C8orf34: variants seen among roughly 807,000 people sequenced by gnomAD.
C8orf34 encodes chromosome 8 open reading frame 34.
Under a neutral mutation model 68.3 loss-of-function variants are expected in C8orf34, and 65 were observed. The observed-to-expected ratio is 0.95, with a 90% CI of 0.78 to 1.17. C8orf34 has a LOEUF of 1.17. Ranked by LOEUF, C8orf34 falls within the 50% of genes most tolerant of loss-of-function variation. The pLI is 0.00. For synonymous variants in C8orf34, 244 were observed against 241.2 expected (o/e 1.01, Z -0.11); for missense variants, 664 against 655.4 (o/e 1.01, Z -0.14).
intron 5 of C8orf34, among the ~76,000 whole-genome samples, chr8:68,497,875 C>G (rs543707599): frequency 2.0e-5 from 3 of 152,242 alleles, no homozygotes; most frequent in East Asian, 1.9e-4. Flanking sequence ...GTTGCCCAGG[C>G]TGGAGTGGAA....
intron 12 of C8orf34, among the ~76,000 whole-genome samples, chr8:68,800,100 T>C (rs1406997311): frequency 6.6e-6 from 1 of 151,998 alleles, no homozygotes; most frequent in Non-Finnish European, 1.5e-5. Flanking sequence ...AGGGTCCAGG[T>C]TGTAAAGATA....
intron 2 of C8orf34, among the ~76,000 whole-genome samples, chr8:68,440,381 C>T (rs1246412883): frequency 2.0e-5 from 3 of 152,146 alleles, no homozygotes; most frequent in African/African-American, 4.8e-5. Flanking sequence ...CCTCTTCATG[C>T]TTTATGGGAT....
chr8:68,612,952 A>G (rs963809821), intron 7 of C8orf34, among the ~76,000 whole-genome samples: 1 of 152,154 alleles, frequency 6.6e-6, no homozygotes, highest in African/African-American at 2.4e-5. Context: ...GTTATCTTAT[A>G]AGGTGCTGAC....
chr8:68,720,819 C>A (rs958108048), intron 9 of C8orf34, among the ~76,000 whole-genome samples: 3 of 151,708 alleles, frequency 2.0e-5, no homozygotes, highest in Non-Finnish European at 3.0e-5. Context: ...ACTCACCCAC[C>A]CCTCAATATA....
chr8:68,744,614 A>C (rs1439282997), intron 10 of C8orf34, among the ~76,000 whole-genome samples: 1 of 152,200 alleles, frequency 6.6e-6, no homozygotes. Context: ...CGATGCGATC[A>C]ACTGGAAGAA....
At chr8:68,725,929 G>T (rs375275808) in intron 10 of C8orf34, among the ~76,000 whole-genome samples, 9 of 151,464 alleles carry the variant, frequency 5.9e-5, no homozygotes, top group African/African-American at 2.2e-4. Context: ...ATTTTTTTAA[G>T]TTGGAGTCTC....
At chr8:68,420,603 G>A (rs925933635) in intron 1 of C8orf34, among the ~76,000 whole-genome samples, 3 of 151,756 alleles carry the variant, frequency 2.0e-5, no homozygotes, top group African/African-American at 7.3e-5. Flanking sequence ...ATAAACAATA[G>A]AATTAAACAA....
chr8:68,447,378 T>G (rs1187688572), intron 3 of C8orf34: 1 of 152,184 alleles, frequency 6.6e-6, no homozygotes, highest in Non-Finnish European at 1.5e-5. Flanking sequence ...ACCACCTAAG[T>G]ATCCCTTCTC....
At chr8:68,463,805 G>A (rs983439619) in intron 3 of C8orf34, among the ~76,000 whole-genome samples, 2 of 152,104 alleles carry the variant, frequency 1.3e-5, no homozygotes, top group African/African-American at 4.8e-5. Flanking sequence ...AATAATAAGA[G>A]CTATTTATGA....
At chr8:68,592,131 T>C (rs574807800) in intron 7 of C8orf34, among the ~76,000 whole-genome samples, 14 of 152,284 alleles carry the variant, frequency 9.2e-5, no homozygotes, top group Admixed American at 9.2e-4. Flanking sequence ...CTGCAATGTC[T>C]CCATTTATTT....
Position 68,788,497 on chromosome 8 carries a change from G to A in C8orf34, c.1549+961G>A, listed in dbSNP as rs553800257. On this transcript the variant is annotated intron_variant, in intron 12 of 13. Transcript: ENST00000518698. ...AGGTTCACTCAGCTGTCACATTCAG[G>A]AATAGAGTAAAAAACACAGTGGTAC... Among the ~76,000 whole-genome samples the A allele has an allele frequency of 1.2e-4, 19 of 152,240 alleles. No individual in the cohort carries two copies. In the East Asian group the frequency reaches 3.7e-3, roughly 29 times the overall value.
chr8:68,697,347 T>C (rs1271415485), intron 8 of C8orf34, among the ~76,000 whole-genome samples: 1 of 152,078 alleles, frequency 6.6e-6, no homozygotes, highest in Non-Finnish European at 1.5e-5. Context: ...CTGTAAGATA[T>C]AGGAATTGGT....
chr8:68,353,990 T>C (rs1806635077), intron 1 of C8orf34, among the ~76,000 whole-genome samples: 1 of 151,978 alleles, frequency 6.6e-6, no homozygotes, highest in Admixed American at 6.6e-5. Flanking sequence ...ACTGTATATA[T>C]CAAAACAAGA....
intron 10 of C8orf34, among the ~76,000 whole-genome samples, chr8:68,770,656 G>C (rs1167649212): frequency 2.0e-5 from 3 of 152,044 alleles, no homozygotes; most frequent in African/African-American, 7.2e-5. Flanking sequence ...TTTTCACATG[G>C]CAGTGAAGGA....
At chr8:68,412,815 C>T (rs1402854287) in intron 1 of C8orf34, among the ~76,000 whole-genome samples, 1 of 152,114 alleles carries the variant, frequency 6.6e-6, no homozygotes, top group Admixed American at 6.6e-5. Flanking sequence ...CCTTGAATAT[C>T]CCAACCCCAA....
At chr8:68,488,769 G>A (rs947426361) in intron 5 of C8orf34, among the ~76,000 whole-genome samples, 3 of 152,124 alleles carry the variant, frequency 2.0e-5, no homozygotes, top group East Asian at 1.9e-4. Context: ...TATTAAACAT[G>A]TTTATATGAG....
intron 1 of C8orf34, 48 bp downstream of exon 1, chr8:68,331,387 G>A (rs924181170): frequency 3.3e-6 from 5 of 1,510,886 alleles, no homozygotes; most frequent in Non-Finnish European, 4.4e-6. Context: ...AGGGGAAGGG[G>A]TGCAGTAATG....
chr8:68,348,446 G>A (rs1205900616), intron 1 of C8orf34, among the ~76,000 whole-genome samples: 1 of 151,908 alleles, frequency 6.6e-6, no homozygotes, highest in African/African-American at 2.4e-5. Context: ...GACTATTCAG[G>A]CTTGTTTATC....
intron 1 of C8orf34, among the ~76,000 whole-genome samples, chr8:68,355,675 G>C (rs1479063503): frequency 1.4e-4 from 21 of 152,116 alleles, no homozygotes; most frequent in Non-Finnish European, 1.3e-4. Flanking sequence ...CTATAGAAAA[G>C]ATCTTGGTGA....
Sources: allele counts gnomAD v4.1 joint callset (sites outside exome capture counted in the v4.1 genomes callset), GRCh38; gene constraint gnomAD v4.1.1; transcripts MANE v1.5; gene names NCBI Gene and HGNC (gene_info 2026-07-23, HGNC 2026-07-21).